BNC2: variants seen among roughly 807,000 people sequenced by gnomAD.
BNC2 encodes zinc finger protein basonuclin-2.
Under a neutral mutation model 76.3 loss-of-function variants are expected in BNC2, and 20 were observed. The observed-to-expected ratio is 0.26, with a 90% CI of 0.18 to 0.38. The LOEUF is 0.38. BNC2 is among the 10% of genes least tolerant of loss of function. The pLI, the probability that BNC2 is intolerant of heterozygous loss-of-function variation, is 1.00. For synonymous variants in BNC2, 582 were observed against 514.8 expected, an observed-to-expected ratio of 1.13 and a Z score of -1.77; for missense variants, 1,382 against 1,399.8, an observed-to-expected ratio of 0.99 and a Z score of 0.20.
At chr9:16,672,652 C>A (rs1328819270) in intron 3 of BNC2, among the ~76,000 whole-genome samples, 1 of 152,180 alleles carries the variant, frequency 6.6e-6, no homozygotes, top group South Asian at 2.1e-4. Flanking sequence ...TAAATCCATT[C>A]TCTTTATGAG....
At chr9:16,725,231 A>T (rs1251950941) in intron 3 of BNC2, among the ~76,000 whole-genome samples, 3 of 151,916 alleles carry the variant, frequency 2.0e-5, no homozygotes, top group Non-Finnish European at 2.9e-5. Context: ...ACACACACAC[A>T]CACACACACA....
At chr9:16,768,474 G>GA (rs1825752594) in intron 1 of BNC2, among the ~76,000 whole-genome samples, 2 of 152,120 alleles carry the variant, frequency 1.3e-5, no homozygotes, top group Admixed American at 1.3e-4. Context: ...TGGAAATAAG[G>GA]AAAAAATGCA....
At chr9:16,433,186 T>C (rs575087695) in intron 6 of BNC2, among the ~76,000 whole-genome samples, 4 of 152,296 alleles carry the variant, frequency 2.6e-5, no homozygotes, top group South Asian at 2.1e-4. Flanking sequence ...GAAAATATAA[T>C]GTCAAAATTA....
At chr9:16,841,840 ACT>A (rs869230247) in intron 1 of BNC2, among the ~76,000 whole-genome samples, 1 of 6,330 alleles carries the variant, frequency 1.6e-4, no homozygotes, top group Non-Finnish European at 2.2e-3. Flanking sequence ...ACAGAGTTTC[ACT>A]CTTGTTGCCC....
At chr9:16,595,881 C>G (rs1004103501) in intron 3 of BNC2, among the ~76,000 whole-genome samples, 2 of 152,016 alleles carry the variant, frequency 1.3e-5, no homozygotes, top group East Asian at 3.9e-4. Context: ...GAAATAAATA[C>G]AAAGCCTTGT....
At chr9:16,790,430 A>G (rs1384016078) in intron 1 of BNC2, among the ~76,000 whole-genome samples, 1 of 152,258 alleles carries the variant, frequency 6.6e-6, no homozygotes, top group East Asian at 1.9e-4. Context: ...TTAGTACTCT[A>G]AAACATCAGA....
intron 3 of BNC2, among the ~76,000 whole-genome samples, chr9:16,607,224 G>C (rs1820411748): frequency 6.6e-6 from 1 of 152,238 alleles, no homozygotes; most frequent in African/African-American, 2.4e-5. Context: ...CAAAGTGCGT[G>C]AGCCACAGTG....
intron 3 of BNC2, among the ~76,000 whole-genome samples, chr9:16,596,302 T>A (rs762839788): frequency 6.6e-6 from 1 of 152,114 alleles, no homozygotes; most frequent in Non-Finnish European, 1.5e-5. Flanking sequence ...AAAGCTAATA[T>A]ACAGTATGAA....
chr9:16,671,091 G>C (rs1216493144), intron 3 of BNC2, among the ~76,000 whole-genome samples: 1 of 152,044 alleles, frequency 6.6e-6, no homozygotes. Context: ...GAAGGCCTCA[G>C]AGAGAATGAG....
rs372966505 is a variant in BNC2 at position 16,830,877 on chromosome 9, G to GA, written c.3+39768dup. ...AATACCCTAAGGATTCTTGGAGGCT[G>GA]AAAGACTTAAAATTTGAGGAATGAA... On this transcript the variant is annotated intron_variant, in intron 1 of 6. Coordinates refer to ENST00000380672, the MANE Select transcript of BNC2 (RefSeq NM_017637.6). Among the ~76,000 whole-genome samples the GA allele has an allele frequency of 2.4e-3, 358 of 152,326 alleles. 3 individuals are homozygous for GA. Among genetic ancestry groups the GA allele is most frequent in the African/African-American group, 7.9e-3 (330 of 41,574 alleles).
intron 2 of BNC2, among the ~76,000 whole-genome samples, chr9:16,729,397 C>G (rs1226014785): frequency 6.6e-6 from 1 of 152,166 alleles, no homozygotes; most frequent in African/African-American, 2.4e-5. Context: ...ACCTTACTCT[C>G]TGAAACAACA....
intron 6 of BNC2, among the ~76,000 whole-genome samples, chr9:16,422,220 A>G (rs902320455): frequency 6.6e-6 from 1 of 152,182 alleles, no homozygotes; most frequent in Non-Finnish European, 1.5e-5. Context: ...CCAGCCCTCA[A>G]TATCTGTCAA....
chr9:16,481,555 C>T (rs1227613673), intron 5 of BNC2, among the ~76,000 whole-genome samples: 1 of 152,100 alleles, frequency 6.6e-6, no homozygotes, highest in Non-Finnish European at 1.5e-5. Context: ...TAACATTCAC[C>T]GCGAGGGTCC....
chr9:16,523,486 AAC>A (rs575002531), intron 5 of BNC2, among the ~76,000 whole-genome samples: 1 of 131,082 alleles, frequency 7.6e-6, no homozygotes. Context: ...AAAAAAAAAA[AAC>A]AAAACAAAAA....
At chr9:16,611,848 A>G (rs1297094463) in intron 3 of BNC2, among the ~76,000 whole-genome samples, 1 of 152,032 alleles carries the variant, frequency 6.6e-6, no homozygotes, top group African/African-American at 2.4e-5. Flanking sequence ...TTGAAAATTC[A>G]TATACAAGTA....
At position 16,411,673 on chromosome 9, in the gene BNC2, C is replaced by T. The variant is rs1393005786; in HGVS notation, c.*7316G>A. On this transcript the variant is annotated 3_prime_UTR_variant, in exon 7 of 7. Transcript: ENST00000380672. ...TCAAAGTGCTTTTCTTCCCAGTCCCCACACTGGTTCATGAAATTATTTAGC... is the reference window on the plus strand; with the variant it reads ...TCAAAGTGCTTTTCTTCCCAGTCCCTACACTGGTTCATGAAATTATTTAGC... 2 of 152,614 alleles carry T rather than the reference C, an allele frequency of 1.3e-5. No individual in the cohort carries two copies. The highest frequency in any genetic ancestry group is 4.8e-5 in the African/African-American group (2 of 41,444). 9.5% of individuals were successfully genotyped at this position (152,614 alleles called of 1,614,324 possible).
intron 6 of BNC2, among the ~76,000 whole-genome samples, chr9:16,420,641 C>G (rs1018291563): frequency 2.6e-5 from 4 of 151,906 alleles, no homozygotes; most frequent in Admixed American, 1.3e-4. Flanking sequence ...AACTTTTATT[C>G]TACTCACTCA....
At chr9:16,794,145 A>G in intron 1 of BNC2, among the ~76,000 whole-genome samples, 1 of 151,990 alleles carries the variant, frequency 6.6e-6, no homozygotes, top group Non-Finnish European at 1.5e-5. Context: ...ACTGCAAGGT[A>G]TTGTCCTCAG....
intron 5 of BNC2, among the ~76,000 whole-genome samples, chr9:16,449,875 T>TA (rs1257669480): frequency 1.3e-5 from 2 of 151,074 alleles, no homozygotes; most frequent in Non-Finnish European, 2.9e-5. Flanking sequence ...GTAATGCCAA[T>TA]ATGATGACCT....
Sources: gnomAD v4.1 joint callset for allele counts (sites outside exome capture counted in the v4.1 genomes callset) on GRCh38, gnomAD v4.1.1 for gene constraint, MANE v1.5 for transcripts, NCBI Gene and HGNC (gene_info 2026-07-23, HGNC 2026-07-21) for gene names.